The following ITGBL1 variants were observed in gnomAD, a reference collection of about 807,000 sequenced individuals.
ITGBL1 encodes the protein integrin subunit beta like 1.
In ITGBL1, 51 loss-of-function variants were observed where a neutral mutation model predicts 68.5. The observed-to-expected ratio is 0.74, with a 90% CI of 0.59 to 0.94. ITGBL1 has a LOEUF of 0.94. Among genes scored for constraint, ITGBL1 ranks in the 40% least tolerant of loss-of-function variants. The pLI, the probability that ITGBL1 is intolerant of heterozygous loss-of-function variation, is 0.00. For missense variants in ITGBL1, 649 were observed against 647.4 expected (o/e 1.00, Z -0.03); for synonymous variants, 209 against 227.3 (o/e 0.92, Z 0.72).
intron 2 of ITGBL1, among the ~76,000 whole-genome samples, chr13:101,503,709 G>A (rs1003500602): frequency 1.4e-4 from 21 of 152,222 alleles, no homozygotes; most frequent in Admixed American, 1.2e-3. Flanking sequence ...TAGTCCCTGG[G>A]AGGGAATAAT....
chr13:101,665,291 A>C (rs1376835306), intron 7 of ITGBL1, among the ~76,000 whole-genome samples: 1 of 152,092 alleles, frequency 6.6e-6, no homozygotes, highest in African/African-American at 2.4e-5. Context: ...TTTTATTTGT[A>C]TATTTTTTAA....
In ITGBL1 at chr13:101,704,783, G is replaced by A. The variant is rs1321178418; in HGVS notation, c.1133-1973G>A. On this transcript the variant is annotated intron_variant, in intron 8 of 10. Coordinates refer to ENST00000376180, the MANE Select transcript of ITGBL1 (RefSeq NM_004791.3). ...TTCCGATCTGGCTGAGCCAATTATC[G>A]GTCACATGTTTACATGCATGCTACT... Among the ~76,000 whole-genome samples the A allele has an allele frequency of 3.3e-5, 5 of 152,084 alleles. No homozygotes were observed. The South Asian group carries it at 6.2e-4, about 19-fold the overall frequency.
chr13:101,506,111 C>G lies in ITGBL1; in HGVS notation c.316+52011C>G, dbSNP rs540473216. ...TTGATGGCAAGCCTACTACAATGCG[C>G]TCACTGTGGAACTAACCTAAGGACA... On this transcript the variant is annotated intron_variant, in intron 2 of 10. Coordinates refer to ENST00000376180, the MANE Select transcript of ITGBL1 (RefSeq NM_004791.3). Among the ~76,000 whole-genome samples the G allele has an allele frequency of 3.3e-5, 5 of 152,254 alleles. No individual in the cohort carries two copies. The East Asian group carries it at 7.7e-4, about 24-fold the overall frequency.
At chr13:101,697,073 C>T (rs550219096) in intron 8 of ITGBL1, among the ~76,000 whole-genome samples, 3 of 151,504 alleles carry the variant, frequency 2.0e-5, no homozygotes, top group South Asian at 4.2e-4. Flanking sequence ...TCTTTCTCAG[C>T]TGCTTCTGTA....
At chr13:101,464,118 G>A (rs1468836281) in intron 2 of ITGBL1, among the ~76,000 whole-genome samples, 2 of 151,734 alleles carry the variant, frequency 1.3e-5, no homozygotes, top group Non-Finnish European at 2.9e-5. Flanking sequence ...AGGCTGGTCT[G>A]AAACTCCTGA....
intron 7 of ITGBL1, among the ~76,000 whole-genome samples, chr13:101,600,650 G>A (rs1007960009): frequency 1.3e-5 from 2 of 152,116 alleles, no homozygotes; most frequent in African/African-American, 4.8e-5. Context: ...AGCATGAAGG[G>A]TTGTTGAATT....
chr13:101,660,215 T>C (rs907667893), intron 7 of ITGBL1, among the ~76,000 whole-genome samples: 4 of 152,182 alleles, frequency 2.6e-5, no homozygotes, highest in Admixed American at 6.5e-5. Flanking sequence ...AAATCAATTT[T>C]CTTGAAGGCT....
At chr13:101,573,745 A>G (rs962770285) in intron 3 of ITGBL1, among the ~76,000 whole-genome samples, 1 of 152,170 alleles carries the variant, frequency 6.6e-6, no homozygotes, top group African/African-American at 2.4e-5. Context: ...CTCGGAATTC[A>G]GCTACAGCTC....
chr13:101,622,921 G>A (rs1008424718), intron 7 of ITGBL1, among the ~76,000 whole-genome samples: 1 of 151,344 alleles, frequency 6.6e-6, no homozygotes, highest in Non-Finnish European at 1.5e-5. Flanking sequence ...ATGTATGTGT[G>A]TGTGTGTGTG....
chr13:101,671,031 AT>A (rs2033344450), intron 7 of ITGBL1, among the ~76,000 whole-genome samples: 1 of 152,204 alleles, frequency 6.6e-6, no homozygotes, highest in African/African-American at 2.4e-5. Context: ...CAGAGTTCAA[AT>A]TCATCAGATT....
rs764809065 is a variant in ITGBL1, at chr13:101,714,420, T to C, written c.1280-18T>C. 7.1e-7 allele frequency: 1 copy of C among 1,399,332 alleles called. No individual in the cohort carries two copies. Among genetic ancestry groups the C allele is most frequent in the Admixed American group, 1.7e-5 (1 of 59,742 alleles). The allele number at this position is 1,399,332 out of a possible 1,614,324, so 86.7% of individuals were successfully genotyped here. On this transcript the variant is annotated intron_variant, in intron 9 of 10. Transcript: ENST00000376180. ...TTAGTTATAAGGTGATGGTGAGTAA[T>C]AGCCTTTGTAATTTCAGGTTCTTGT...
At chr13:101,541,021 C>G (rs944417942) in intron 2 of ITGBL1, among the ~76,000 whole-genome samples, 7 of 125,990 alleles carry the variant, frequency 5.6e-5, no homozygotes, top group African/African-American at 1.8e-4. Context: ...TTGACTTCCT[C>G]TTTTCCTAAT....
At chr13:101,471,532 A>ATGTG (rs150659546) in intron 2 of ITGBL1, among the ~76,000 whole-genome samples, 4,339 of 110,350 alleles carry the variant, frequency 0.039, 92 homozygotes, top group Non-Finnish European at 0.067. Context: ...GTGTGTATGT[A>ATGTG]TGTGTGTGTG....
In ITGBL1 at chr13:101,716,281, G is replaced by A. The variant is rs1262761989; in HGVS notation, c.*627G>A. On this transcript the variant is annotated 3_prime_UTR_variant, in exon 11 of 11. Coordinates refer to ENST00000376180, the MANE Select transcript of ITGBL1 (RefSeq NM_004791.3). Reference sequence around the variant, plus strand: ...GAGGTAGAATATCAGAGTGGGGCTGGATCAAGGGCAAAAACTGGTCATTAA... The same window carrying A: ...GAGGTAGAATATCAGAGTGGGGCTGAATCAAGGGCAAAAACTGGTCATTAA... 6.6e-6 allele frequency: 1 copy of A among 152,108 alleles called. No homozygotes were observed. Among genetic ancestry groups the A allele is most frequent in the Non-Finnish European group, 1.5e-5 (1 of 68,018 alleles). 9.4% of individuals were successfully genotyped at this position (152,108 alleles called of 1,614,324 possible). A position where few individuals can be genotyped will look rare whatever the true frequency, so the allele number is the denominator to read the frequency against.
chr13:101,515,260 G>C (rs561899885), intron 2 of ITGBL1, among the ~76,000 whole-genome samples: 26 of 151,932 alleles, frequency 1.7e-4, no homozygotes, highest in African/African-American at 5.8e-4. Context: ...AAATACAACT[G>C]ATTCTAGTCA....
At chr13:101,599,154 T>C (rs1594917230) in intron 7 of ITGBL1, among the ~76,000 whole-genome samples, 2 of 151,874 alleles carry the variant, frequency 1.3e-5, no homozygotes, top group Non-Finnish European at 2.9e-5. Context: ...GGTATCTCAT[T>C]GTGGTTTTGA....
At chr13:101,700,538 T>A (rs1389371540) in intron 8 of ITGBL1, among the ~76,000 whole-genome samples, 1 of 152,230 alleles carries the variant, frequency 6.6e-6, no homozygotes, top group Non-Finnish European at 1.5e-5. Flanking sequence ...CAAATGAGTT[T>A]GCAAAGTGTA....
chr13:101,546,608 G>T (rs544693941), intron 2 of ITGBL1, among the ~76,000 whole-genome samples: 30 of 151,932 alleles, frequency 2.0e-4, no homozygotes, highest in South Asian at 2.1e-4. Context: ...ACAAACAAAG[G>T]TGAAAAGCAA....
At chr13:101,537,135 A>G (rs764489444) in intron 2 of ITGBL1, among the ~76,000 whole-genome samples, 3 of 152,024 alleles carry the variant, frequency 2.0e-5, no homozygotes, top group Non-Finnish European at 2.9e-5. Context: ...TTCAATAATC[A>G]GTCTCCTGAG....
Sources: gnomAD v4.1 joint callset for allele counts (sites outside exome capture counted in the v4.1 genomes callset) on GRCh38, gnomAD v4.1.1 for gene constraint, MANE v1.5 for transcripts, NCBI Gene and HGNC (gene_info 2026-07-23, HGNC 2026-07-21) for gene names.